BBX: variants seen among roughly 807,000 people sequenced by gnomAD.
BBX encodes HMG box transcription factor BBX.
In BBX, 30 loss-of-function variants were observed where a neutral mutation model predicts 100.2. That is an observed-to-expected ratio of 0.30 (90% CI 0.22 to 0.41). The LOEUF is 0.41. BBX is among the 10% of genes least tolerant of loss of function. BBX has a pLI of 1.00. For synonymous variants in BBX, 376 were observed against 388.1 expected, an observed-to-expected ratio of 0.97 and a Z score of 0.37; for missense variants, 1,023 against 1,129.8, an observed-to-expected ratio of 0.91 and a Z score of 1.35.
At chr3:107,691,130 C>G (rs1279858263) in intron 3 of BBX, among the ~76,000 whole-genome samples, 1 of 151,904 alleles carries the variant, frequency 6.6e-6, no homozygotes, top group Non-Finnish European at 1.5e-5. Flanking sequence ...TGGTCTCAAA[C>G]CCCTAGGCTC....
At chr3:107,738,157 T>A (rs2063792592) in intron 7 of BBX, among the ~76,000 whole-genome samples, 1 of 151,990 alleles carries the variant, frequency 6.6e-6, no homozygotes, top group South Asian at 2.1e-4. Context: ...TTGAGCCATA[T>A]TCAATTCTCT....
chr3:107,746,837 A>G (rs752579268), intron 8 of BBX, among the ~76,000 whole-genome samples: 34 of 152,144 alleles, frequency 2.2e-4, no homozygotes, highest in Non-Finnish European at 4.6e-4. Context: ...GTTTAACTAA[A>G]ACGAAAAAGC....
At position 107,737,093 on chromosome 3, in the gene BBX, C is replaced by G. The variant is rs545431699; in HGVS notation, c.669+4070C>G. 1.6e-4 allele frequency among the ~76,000 whole-genome samples: 25 copies of G among 152,112 alleles called. No homozygotes were observed. In the South Asian group the frequency reaches 5.2e-3, roughly 32 times the overall value. ...ATCCTATGAAATGGAGCTAATAATA[C>G]CTGCTTGCCTTCAAATCTCAAGGCT... On this transcript the variant is annotated intron_variant, in intron 7 of 17. Coordinates refer to ENST00000325805, the MANE Select transcript of BBX (RefSeq NM_001142568.3).
At chr3:107,650,152 C>T (rs555471246) in intron 3 of BBX, among the ~76,000 whole-genome samples, 6 of 152,196 alleles carry the variant, frequency 3.9e-5, no homozygotes, top group East Asian at 1.9e-4. Context: ...CAGGGGTCCC[C>T]GACTTCCTGG....
At chr3:107,707,657 C>T (rs1024618521) in intron 3 of BBX, among the ~76,000 whole-genome samples, 3 of 152,114 alleles carry the variant, frequency 2.0e-5, no homozygotes, top group African/African-American at 7.2e-5. Context: ...TCAGAAAAGA[C>T]ATTTTCTCCA....
Position 107,693,459 on chromosome 3 carries a change from C to T in BBX, c.-9-16993C>T, listed in dbSNP as rs1218010137. Among the ~76,000 whole-genome samples, 5 of 151,286 alleles carry T rather than the reference C, an allele frequency of 3.3e-5. No homozygotes were observed. The East Asian group carries it at 9.7e-4, about 29-fold the overall frequency. ...AGCACCATTTATTAAATAGGGAATC[C>T]TTTCCCCATTGCTTGTTTTTCTCAG... On this transcript the variant is annotated intron_variant, in intron 3 of 17. Coordinates refer to ENST00000325805, the MANE Select transcript of BBX (RefSeq NM_001142568.3).
intron 15 of BBX, among the ~76,000 whole-genome samples, chr3:107,792,366 A>G (rs1037231864): frequency 6.6e-6 from 1 of 152,226 alleles, no homozygotes; most frequent in Non-Finnish European, 1.5e-5. Context: ...CCTAGTCCAC[A>G]TCTTTTGACT....
intron 2 of BBX, among the ~76,000 whole-genome samples, chr3:107,570,772 G>A (rs1279826950): frequency 6.6e-6 from 1 of 152,110 alleles, no homozygotes; most frequent in East Asian, 1.9e-4. Context: ...TGCAGAAAAG[G>A]AGGATTCAAA....
At chr3:107,583,955 TTATATA>T (rs1396150116) in intron 2 of BBX, among the ~76,000 whole-genome samples, 1 of 65,946 alleles carries the variant, frequency 1.5e-5, no homozygotes, top group African/African-American at 7.1e-5. Context: ...TATTATTATA[TTATATA>T]TATTATATAT....
rs2055011692 is a variant in BBX at position 107,613,581 on chromosome 3, A to AGTT, written c.-83-32254_-83-32252dup. ...ATAAAGTATAATTACTAGTAGAATT[A>AGTT]GTTAATTCTTGAGTGGTACTTACAA... is the stretch of plus-strand genomic sequence containing the variant. On this transcript the variant is annotated intron_variant, in intron 2 of 17. Coordinates refer to ENST00000325805, the MANE Select transcript of BBX (RefSeq NM_001142568.3). Among the ~76,000 whole-genome samples, 3 of 152,090 alleles carry AGTT rather than the reference A, an allele frequency of 2.0e-5. No individual in the cohort carries two copies. In the South Asian group the frequency reaches 6.2e-4, roughly 32 times the overall value.
intron 3 of BBX, among the ~76,000 whole-genome samples, chr3:107,685,718 C>T (rs1418225449): frequency 6.6e-6 from 1 of 152,246 alleles, no homozygotes; most frequent in African/African-American, 2.4e-5. Context: ...CCAATAACCA[C>T]ATAATTTTTC....
chr3:107,779,008 TATATATATATATACACAC>T (rs1342744642), intron 13 of BBX, among the ~76,000 whole-genome samples: 1 of 71,328 alleles, frequency 1.4e-5, no homozygotes, highest in South Asian at 4.0e-4. Context: ...TATATATATA[TATATATATATATACACAC>T]ACACACACAC....
At chr3:107,794,143 A>G (rs1279620915) in intron 15 of BBX, among the ~76,000 whole-genome samples, 1 of 152,154 alleles carries the variant, frequency 6.6e-6, no homozygotes, top group Non-Finnish European at 1.5e-5. Context: ...AATTGCAATA[A>G]TAATGATGAT....
intron 2 of BBX, among the ~76,000 whole-genome samples, chr3:107,610,420 T>C (rs1187553582): frequency 6.6e-6 from 1 of 152,114 alleles, no homozygotes; most frequent in African/African-American, 2.4e-5. Flanking sequence ...GTTAATTTTC[T>C]GTCCAGTGCT....
chr3:107,562,221 C>T (rs551504963), intron 2 of BBX, among the ~76,000 whole-genome samples: 1 of 152,224 alleles, frequency 6.6e-6, no homozygotes, highest in East Asian at 1.9e-4. Context: ...CATGGGATCC[C>T]TTATGAGCGT....
intron 2 of BBX, among the ~76,000 whole-genome samples, chr3:107,608,676 C>T (rs1341000444): frequency 5.9e-5 from 9 of 151,928 alleles, no homozygotes; most frequent in African/African-American, 1.9e-4. Flanking sequence ...TTAATAATAC[C>T]GATTCTTACA....
chr3:107,601,663 G>A (rs1382100909), intron 2 of BBX, among the ~76,000 whole-genome samples: 1 of 152,208 alleles, frequency 6.6e-6, no homozygotes, highest in African/African-American at 2.4e-5. Flanking sequence ...AACAGAGGTT[G>A]GTTCATGAGG....
chr3:107,531,322 A>T (rs1210123557), intron 2 of BBX, among the ~76,000 whole-genome samples: 1 of 151,874 alleles, frequency 6.6e-6, no homozygotes, highest in Non-Finnish European at 1.5e-5. Flanking sequence ...TCTAGGTTCC[A>T]CTCCTGCTGC....
At chr3:107,676,304 C>T (rs970032780) in intron 3 of BBX, among the ~76,000 whole-genome samples, 1 of 151,996 alleles carries the variant, frequency 6.6e-6, no homozygotes, top group African/African-American at 2.4e-5. Context: ...TCCATTTTGC[C>T]TTATGTATTT....
Sources: gnomAD v4.1 joint callset for allele counts (sites outside exome capture counted in the v4.1 genomes callset) on GRCh38, gnomAD v4.1.1 for gene constraint, MANE v1.5 for transcripts, NCBI Gene and HGNC (gene_info 2026-07-23, HGNC 2026-07-21) for gene names.